Variants in MKI67 observed in about 807,000 individuals in gnomAD.
MKI67 encodes marker of proliferation Ki-67, also known as proliferation marker protein Ki-67.
MKI67 carries 152 observed loss-of-function variants against 233.5 expected under a neutral mutation model. That is an observed-to-expected ratio of 0.65 (90% CI 0.57 to 0.74). MKI67 has a LOEUF of 0.74. Ranked by LOEUF, MKI67 falls within the 30% of genes least tolerant of loss-of-function variation. MKI67 has a pLI of 0.00. For missense variants in MKI67, 3,940 were observed against 3,885.2 expected (o/e 1.01, Z -0.37); for synonymous variants, 1,465 against 1,418.5 (o/e 1.03, Z -0.74).
Position 128,125,646 on chromosome 10 carries a change from C to G in MKI67, c.22G>C (p.Val8Leu). MWPTRRL[V>L]TIKRSGVDGP... is the part of the protein sequence containing the mutation. Reference sequence around the variant, plus strand: ...TCGACCCCGCTCCTTTTGATAGTAACCAGGCGTCTCGTGGGCCACATTTTC... The same window carrying G: ...TCGACCCCGCTCCTTTTGATAGTAAGCAGGCGTCTCGTGGGCCACATTTTC... Residue 8 changes from valine to leucine, a missense_variant, in exon 2 of 15, where the codon GTT becomes CTT. Transcript: ENST00000368654. This position sits in a 1 kb window ranked among gnomAD's most constrained non-coding sequence, Gnocchi z 5.3. 1 of 1,613,848 alleles carries G rather than the reference C, an allele frequency of 6.2e-7. No individual in the cohort carries two copies. Among genetic ancestry groups the G allele is most frequent in the Non-Finnish European group, 8.5e-7 (1 of 1,179,868 alleles).
At chr10:128,113,060 G>T (rs1307072953) in intron 8 of MKI67, among the ~76,000 whole-genome samples, 2 of 152,156 alleles carry the variant, frequency 1.3e-5, no homozygotes, top group Admixed American at 1.3e-4. Context: ...AACTCTAAAA[G>T]AAAATAAAAC....
chr10:128,107,474 T>C lies in MKI67; in HGVS notation c.4366A>G (p.Lys1456Glu). 2 of 1,614,008 alleles carry C rather than the reference T, an allele frequency of 1.2e-6. No homozygotes were observed. The highest frequency in any genetic ancestry group is 1.7e-6 in the Non-Finnish European group (2 of 1,180,022). The change falls in exon 13 of 15, where the codon AAA becomes GAA. Residue 1456 changes from lysine to glutamate, a missense_variant. Lys to Glu is a moderately conservative substitution (Grantham distance 56). Coordinates refer to ENST00000368654, the MANE Select transcript of MKI67 (RefSeq NM_002417.5). ...AGGGGTTGGGCCTTTTCCTTAGTTT[T>C]TGGGTGCCTCTTGCTACCAGTTACA... ...ASVTGSKRHP[K>E]TKEKAQPLED...
intron 6 of MKI67, 38 bp downstream of exon 6, chr10:128,116,453 C>G: frequency 6.3e-7 from 1 of 1,591,592 alleles, no homozygotes; most frequent in Non-Finnish European, 8.6e-7. Flanking sequence ...AAGACCTGAT[C>G]TTTCAGGATT....
chr10:128,122,812 G>T, intron 4 of MKI67, 69 bp downstream of exon 4: 1 of 723,796 alleles, frequency 1.4e-6, no homozygotes, highest in Non-Finnish European at 2.3e-6. Context: ...AATGACAGTT[G>T]ACTTTGACAC....
chr10:128,125,749 C>A lies in MKI67; in HGVS notation c.-82G>T, dbSNP rs1321468319. 1.7e-6 allele frequency: 2 copies of A among 1,162,090 alleles called. No individual in the cohort carries two copies. The highest frequency in any genetic ancestry group is 2.6e-6 in the Non-Finnish European group (2 of 770,050). 72.0% of individuals were successfully genotyped at this position (1,162,090 alleles called of 1,614,324 possible). A position where few individuals can be genotyped will look rare whatever the true frequency, so the allele number is the denominator to read the frequency against. ...GGGAAGGCCAGAAGCAAATTTACAA[C>A]TCTTCCACTGCAAAAGAGGTGCGAG... On this transcript the variant is annotated 5_prime_UTR_variant, in exon 2 of 15. Transcript: ENST00000368654. This position sits in a 1 kb window ranked among gnomAD's most constrained non-coding sequence, Gnocchi z 5.3.
rs748127676 is a variant in MKI67 at position 128,115,389 on chromosome 10, T to C, written c.1019A>G (p.Tyr340Cys). 1.7e-5 allele frequency: 27 copies of C among 1,614,066 alleles called. No individual in the cohort carries two copies. The highest frequency in any genetic ancestry group is 9.9e-5 in the South Asian group (9 of 91,086). The change falls in exon 7 of 15, where the codon TAT (tyrosine) becomes TGT (cysteine). Residue 340 changes from tyrosine to cysteine, a missense_variant. Coordinates refer to ENST00000368654, the MANE Select transcript of MKI67 (RefSeq NM_002417.5). The part of the protein sequence containing the change: ...SKAVGASFPL[Y>C]EPAKMKTPVQ... ...AGGGGTCTTCATTTTAGCCGGCTCA[T>C]AGAGAGGAAAGCTGGCGCCCACAGC...
chr10:128,106,216 T>C lies in MKI67; in HGVS notation c.5624A>G (p.Gln1875Arg), dbSNP rs199665327. The change falls in exon 13 of 15, where the codon CAA (glutamine) becomes CGA (arginine). Residue 1875 changes from glutamine (Q) to arginine (R), a missense_variant. By Grantham distance (43) the Gln-to-Arg change is conservative (BLOSUM62 1). Coordinates refer to ENST00000368654, the MANE Select transcript of MKI67 (RefSeq NM_002417.5). ...DPADTPTNTK[Q>R]RPKRSLKKAD... ...TTTCTTGAGGCTTCTCTTGGGCCGT[T>C]GCTTTGTGTTTGTTGGGGTGTCCGC... The C allele has an allele frequency of 1.3e-5, 21 of 1,613,036 alleles. No homozygotes were observed. The East Asian group carries it at 4.5e-4, about 34-fold the overall frequency.
chr10:128,100,250 C>G (rs1209177151), intron 14 of MKI67, among the ~76,000 whole-genome samples: 2 of 152,180 alleles, frequency 1.3e-5, no homozygotes, highest in African/African-American at 2.4e-5. Context: ...CTCTCTGGAA[C>G]AGTCTATGGG....
At chr10:128,111,584 A>ACAG (rs1852674949) in intron 11 of MKI67, 61 bp downstream of exon 11, 1 of 1,428,202 alleles carries the variant, frequency 7.0e-7, no homozygotes, top group African/African-American at 1.4e-5. Context: ...CAAAACAAAC[A>ACAG]TTAACACAGT....
In MKI67 at chr10:128,105,281, T is replaced by C. The variant is rs749167189; in HGVS notation, c.6559A>G (p.Lys2187Glu). 1.2e-6 allele frequency: 2 copies of C among 1,614,070 alleles called. No individual in the cohort carries two copies. Among genetic ancestry groups the C allele is most frequent in the South Asian group, 2.2e-5 (2 of 91,086 alleles). Residue 2187 changes from lysine to glutamate, a missense_variant, in exon 13 of 15, where the codon AAA becomes GAA. Transcript: ENST00000368654. ...GCCAAGTCTTCTAGGGGTTGGGCTT[T>C]TCCCTTAGGAGTTCTTGGCTGCCTC... ...SKRQPRTPKGKAQPLEDLAGL... is the reference protein window; with the variant it reads ...SKRQPRTPKGEAQPLEDLAGL...
In MKI67 at chr10:128,104,680, A is replaced by G. The variant is rs1018022081; in HGVS notation, c.7160T>C (p.Met2387Thr). The G allele has an allele frequency of 5.0e-6, 8 of 1,613,772 alleles. No homozygotes were observed. Among genetic ancestry groups the G allele is most frequent in the African/African-American group, 1.3e-5 (1 of 74,772 alleles). Residue 2387 changes from methionine to threonine, a missense_variant, in exon 13 of 15, where the codon ATG becomes ACG. Coordinates refer to ENST00000368654, the MANE Select transcript of MKI67 (RefSeq NM_002417.5). ...RKRTPSAGKA[M>T]DTPKPAVSDE... ...ACTTACTGCTGGTTTTGGTGTGTCC[A>G]TGGCTTTGCCTGCTGATGGTGTTCG...
At chr10:128,113,626 G>GA (rs1852730133) in intron 7 of MKI67, 24 bp from the exon 8 acceptor site, 1 of 1,602,430 alleles carries the variant, frequency 6.2e-7, no homozygotes, top group Non-Finnish European at 8.5e-7. Flanking sequence ...TACAAATGTG[G>GA]AAAGAGCAAT....
chr10:128,110,808 A>AC (rs1214120201), intron 11 of MKI67, among the ~76,000 whole-genome samples: 1 of 152,128 alleles, frequency 6.6e-6, no homozygotes, highest in Non-Finnish European at 1.5e-5. Flanking sequence ...TCCTAACAAG[A>AC]CCCCACACGT....
chr10:128,113,583 A>G lies in MKI67; in HGVS notation c.1500T>C (p.Pro500=). ...GDSINESEGI[P]LKRRRVSFGG... is the part of the protein sequence containing the mutation. ...CAAAGGACACACGCCTTCTTTTCAA[A>G]GGTATTCCCTCACTCTCATCTAAAG... Residue 500 remains proline, a synonymous_variant, in exon 8 of 15, where the codon CCT becomes CCC. Transcript: ENST00000368654. 1.2e-6 allele frequency: 2 copies of G among 1,614,190 alleles called. No homozygotes were observed. The highest frequency in any genetic ancestry group is 1.7e-6 in the Non-Finnish European group (2 of 1,180,000).
Position 128,105,165 on chromosome 10 carries a change from T to C in MKI67, c.6675A>G (p.Gln2225=), listed in dbSNP as rs1204797013. The C allele has an allele frequency of 3.1e-6, 5 of 1,613,700 alleles. No individual in the cohort carries two copies. Among genetic ancestry groups the C allele is most frequent in the Non-Finnish European group, 8.5e-7 (1 of 1,179,970 alleles). Residue 2225 remains glutamine, a synonymous_variant, in exon 13 of 15, where the codon CAA becomes CAG. Transcript: ENST00000368654. ...TTGTTGGGGTACCCACTGGGTCTGG[T>C]TGTGGAGATCTGCAGGCTATTTTGG... ...KTTKIACRSP[Q]PDPVGTPTIF...
chr10:128,103,719 T>G lies in MKI67; in HGVS notation c.8121A>C (p.Glu2707Asp). Residue 2707 changes from glutamate (E) to aspartate (D), a missense_variant, in exon 13 of 15, where the codon GAA (glutamate) becomes GAC (aspartate). Physicochemically the swap from Glu to Asp is conservative, Grantham distance 45. Transcript: ENST00000368654. ...TGTCTACCACTTCTAGTGGGGGAGA[T>G]TCGCAGGGTATTTTAGTGGCTTTGC... The part of the protein sequence containing the change: ...TAGKATKIPC[E>D]SPPLEVVDTT... The G allele has an allele frequency of 1.9e-6, 3 of 1,614,108 alleles. No homozygotes were observed. The highest frequency in any genetic ancestry group is 2.5e-6 in the Non-Finnish European group (3 of 1,180,022).
chr10:128,105,518 G>A lies in MKI67; in HGVS notation c.6322C>T (p.Pro2108Ser), dbSNP rs141016318. The A allele has an allele frequency of 1.9e-6, 3 of 1,613,896 alleles. No homozygotes were observed. The highest frequency in any genetic ancestry group is 1.7e-6 in the Non-Finnish European group (2 of 1,180,006). ...TTKIACKSPPPESMDTPTSTR... is the reference protein window; with the variant it reads ...TTKIACKSPPSESMDTPTSTR... ...CTTGTTGGAGTGTCCATTGATTCTG[G>A]TGGTGGAGATTTGCAGGCTATTTTG... Residue 2108 changes from proline to serine, a missense_variant, in exon 13 of 15, where the codon CCA becomes TCA. Transcript: ENST00000368654.
chr10:128,108,962 G>A lies in MKI67; in HGVS notation c.2878C>T (p.Pro960Ser), dbSNP rs778723459. 3.7e-6 allele frequency: 6 copies of A among 1,614,062 alleles called. No individual in the cohort carries two copies. The highest frequency in any genetic ancestry group is 1.1e-5 in the South Asian group (1 of 91,082). Reference sequence around the variant, plus strand: ...TTGAGGTCTGTCAGGTCAGACATTGGTGCACATTTCTGCCCCCAAGTTCTT... The same window carrying A: ...TTGAGGTCTGTCAGGTCAGACATTGATGCACATTTCTGCCCCCAAGTTCTT... ...RSRTWGQKCA[P>S]MSDLTDLKSL... Residue 960 changes from proline (P) to serine (S), a missense_variant, in exon 13 of 15, where the codon CCA (proline) becomes TCA (serine). By Grantham distance (74) the Pro-to-Ser change is moderately conservative (BLOSUM62 -1). Coordinates refer to ENST00000368654, the MANE Select transcript of MKI67 (RefSeq NM_002417.5).
At chr10:128,111,511 C>A in intron 11 of MKI67, 134 bp downstream of exon 11, 2 of 845,246 alleles carry the variant, frequency 2.4e-6, no homozygotes, top group Non-Finnish European at 3.5e-6. Context: ...AACACTAAGA[C>A]CCCAGAAGGG....
Sources: allele counts gnomAD v4.1 joint callset (sites outside exome capture counted in the v4.1 genomes callset), GRCh38; gene constraint gnomAD v4.1.1; non-coding constraint Gnocchi (gnomAD v3.1); transcripts MANE v1.5; gene names NCBI Gene and HGNC (gene_info 2026-07-23, HGNC 2026-07-21).